ZNF251: variants seen among roughly 807,000 people sequenced by gnomAD.
ZNF251 encodes the protein zinc finger protein 251.
A neutral mutation model predicts 13.5 loss-of-function variants in ZNF251; 14 were observed. That is an observed-to-expected ratio of 1.04 (90% CI 0.69 to 1.63). ZNF251 has a LOEUF of 1.63. ZNF251 is among the 40% of genes most tolerant of loss of function. The pLI, the probability that ZNF251 is intolerant of heterozygous loss-of-function variation, is 0.00. For missense variants in ZNF251, 764 were observed against 834.9 expected, an observed-to-expected ratio of 0.92 and a Z score of 1.05; for synonymous variants, 287 against 295.2, an observed-to-expected ratio of 0.97 and a Z score of 0.28.
chr8:144,728,102 G>A (rs1284917058), intron 4 of ZNF251, among the ~76,000 whole-genome samples: 2 of 152,118 alleles, frequency 1.3e-5, no homozygotes, highest in African/African-American at 2.4e-5. Context: ...TAAAGCGAGA[G>A]GTGTGTGACT....
chr8:144,729,973 G>A (rs1276054373), intron 4 of ZNF251: 3 of 872,870 alleles, frequency 3.4e-6, no homozygotes, highest in Non-Finnish European at 4.1e-6. Context: ...AACATTGCAG[G>A]CAGGGCTGAG....
intron 4 of ZNF251, among the ~76,000 whole-genome samples, chr8:144,737,171 C>T (rs1823934889): frequency 2.6e-5 from 4 of 152,098 alleles, no homozygotes; most frequent in African/African-American, 9.7e-5. Context: ...GATCTCAGCT[C>T]ATGGCAGTCT....
chr8:144,741,587 A>G (rs1290426634), intron 4 of ZNF251, among the ~76,000 whole-genome samples: 1 of 152,230 alleles, frequency 6.6e-6, no homozygotes, highest in Non-Finnish European at 1.5e-5. Flanking sequence ...AACAGGAATT[A>G]TAATTATCCT....
chr8:144,754,958 T>C lies in ZNF251; in HGVS notation c.-75-155A>G, dbSNP rs552370892. On this transcript the variant is annotated intron_variant, in intron 1 of 4. Transcript: ENST00000292562. ...ACGTGCCCTACTGCTCAGTGACTCCTGAAATCCCAGAACGGCCAGAGCCAG... is the reference window on the plus strand; with the variant it reads ...ACGTGCCCTACTGCTCAGTGACTCCCGAAATCCCAGAACGGCCAGAGCCAG... 2.1e-6 allele frequency: 3 copies of C among 1,403,818 alleles called. No homozygotes were observed. The South Asian group carries it at 4.9e-5, about 23-fold the overall frequency. 87.0% of individuals were successfully genotyped at this position (1,403,818 alleles called of 1,614,324 possible).
intron 4 of ZNF251, among the ~76,000 whole-genome samples, chr8:144,729,423 G>A (rs1193429484): frequency 1.1e-4 from 17 of 149,754 alleles, no homozygotes; most frequent in Non-Finnish European, 2.2e-4. Context: ...TGCAAGCTCC[G>A]CCTCCCGGGT....
rs764176989 is a variant in ZNF251 at position 144,722,156 on chromosome 8, A to C, written c.1504T>G (p.Ser502Ala). ...ACTTTCTGATGCTGAATGAGGGTTG[A>C]CCTCCGGCTGAAGGCCTTCCCACAG... ...GDCGKAFSRR[S>A]TLIQHQKVHS... is the part of the protein sequence containing the mutation. Residue 502 changes from serine to alanine, a missense_variant, in exon 5 of 5, where the codon TCA (serine) becomes GCA (alanine). Physicochemically the swap from Ser to Ala is moderately conservative, Grantham distance 99. Coordinates refer to ENST00000292562, the MANE Select transcript of ZNF251 (RefSeq NM_138367.2). The surrounding 1 kb of genome is among the most constrained non-coding windows in gnomAD (Gnocchi z 4.8). 14 of 1,613,706 alleles carry C rather than the reference A, an allele frequency of 8.7e-6. 1 individual carries two copies. The Middle Eastern group carries it at 9.9e-4, about 114-fold the overall frequency.
Position 144,753,792 on chromosome 8 carries a change from G to C in ZNF251, c.168C>G (p.Phe56Leu). The stretch of plus-strand genomic sequence containing the variant: ...AGATCAACTCCGGCTTAGGGACAGG[G>C]AATCCTGTTGAGGATGAGGACACTG... ...ENYGNVASLG[F>L]PVPKPELISQ... Residue 56 changes from phenylalanine to leucine, a missense_variant, in exon 4 of 5, where the codon TTC (phenylalanine) becomes TTG (leucine). Phe to Leu is a conservative substitution (Grantham distance 22). Coordinates refer to ENST00000292562, the MANE Select transcript of ZNF251 (RefSeq NM_138367.2). The C allele has an allele frequency of 1.9e-6, 3 of 1,569,740 alleles. No homozygotes were observed. Among genetic ancestry groups the C allele is most frequent in the South Asian group, 2.3e-5 (2 of 85,486 alleles).
At position 144,735,554 on chromosome 8, in the gene ZNF251, A is replaced by G. The variant is rs543210924; in HGVS notation, c.278-12172T>C. ...CCACATCCCCCACATCTGTCCCTCA[A>G]TGTGGCCAATCCCATGCCCACAAAT... On this transcript the variant is annotated intron_variant, in intron 4 of 4. Transcript: ENST00000292562. Among the ~76,000 whole-genome samples the G allele has an allele frequency of 7.2e-5, 11 of 152,150 alleles. 1 individual carries two copies. In the South Asian group the frequency reaches 2.1e-3, roughly 29 times the overall value.
chr8:144,722,785 G>T lies in ZNF251; in HGVS notation c.875C>A (p.Pro292His), dbSNP rs1304684183. ...CTTCCCACACTCACCACAGCCAAAG[G>T]GTTTTTCTCCAGTGTGAATTCTCCG... ...LHRRIHTGEK[P>H]FGCGECGKAF... Residue 292 changes from proline (P) to histidine (H), a missense_variant, in exon 5 of 5, where the codon CCC becomes CAC. Transcript: ENST00000292562. This position sits in a 1 kb window ranked among gnomAD's most constrained non-coding sequence, Gnocchi z 4.8. The T allele has an allele frequency of 1.2e-6, 2 of 1,614,120 alleles. No homozygotes were observed. The highest frequency in any genetic ancestry group is 1.7e-6 in the Non-Finnish European group (2 of 1,179,944).
Position 144,722,241 on chromosome 8 carries a change from G to A in ZNF251, c.1419C>T (p.Ser473=). The change falls in exon 5 of 5, where the codon AGC becomes AGT. Residue 473 remains serine (S), a synonymous_variant. Coordinates refer to ENST00000292562, the MANE Select transcript of ZNF251 (RefSeq NM_138367.2). This position sits in a 1 kb window ranked among gnomAD's most constrained non-coding sequence, Gnocchi z 4.8. ...CVECGKAFSQ[S]SQLTLHQRVH... ...CTCGCTGATGTAGGGTGAGCTGGGA[G>A]CTCTGGCTGAAAGCTTTCCCACATT... The A allele has an allele frequency of 1.9e-6, 3 of 1,613,744 alleles. No homozygotes were observed. Among genetic ancestry groups the A allele is most frequent in the East Asian group, 4.5e-5 (2 of 44,850 alleles).
rs578204044 is a variant in ZNF251 at position 144,726,608 on chromosome 8, C to T, written c.278-3226G>A. On this transcript the variant is annotated intron_variant, in intron 4 of 4. Transcript: ENST00000292562. ...GGCATAGGTTGGGCGCGGTGGCTCA[C>T]GCCTGTAATCCCAGCACCTTGGGAG... 1.8e-4 allele frequency among the ~76,000 whole-genome samples: 28 copies of T among 152,124 alleles called. No homozygotes were observed. In the South Asian group the frequency reaches 4.6e-3, roughly 25 times the overall value.
Position 144,754,329 on chromosome 8 carries a change from A to C in ZNF251, c.34-8T>G. ...GAAGGTCAGCGGCATCTCCTGCAAC[A>C]AAACATCGCCGCTGCCCAGGCCATG... On this transcript the variant is annotated splice_polypyrimidine_tract_variant and splice_region_variant and intron_variant, in intron 2 of 4. Coordinates refer to ENST00000292562, the MANE Select transcript of ZNF251 (RefSeq NM_138367.2). 4.4e-6 allele frequency: 7 copies of C among 1,599,520 alleles called. No individual in the cohort carries two copies. Among genetic ancestry groups the C allele is most frequent in the Non-Finnish European group, 6.0e-6 (7 of 1,173,082 alleles).
At chr8:144,744,666 C>T (rs1400557187) in intron 4 of ZNF251, among the ~76,000 whole-genome samples, 1 of 152,158 alleles carries the variant, frequency 6.6e-6, no homozygotes, top group East Asian at 1.9e-4. Context: ...TGTGAGGACA[C>T]AGTGAGAAGG....
intron 4 of ZNF251, among the ~76,000 whole-genome samples, chr8:144,732,133 G>A (rs180972292): frequency 1.6e-3 from 249 of 151,670 alleles, no homozygotes; most frequent in African/African-American, 5.6e-3. Context: ...TTGTAAAGAC[G>A]GAGTTTACCA....
chr8:144,754,433 T>C, intron 2 of ZNF251, 112 bp from the exon 3 acceptor site: 2 of 1,452,790 alleles, frequency 1.4e-6, no homozygotes, highest in Non-Finnish European at 1.8e-6. Flanking sequence ...GTGGTCAGTA[T>C]GAACTGTGTA....
rs543866718 is a variant in ZNF251 at position 144,721,699 on chromosome 8, C to G, written c.1961G>C (p.Gly654Ala). 7.3e-7 allele frequency: 1 copy of G among 1,370,484 alleles called. No homozygotes were observed. Among genetic ancestry groups the G allele is most frequent in the Non-Finnish European group, 9.5e-7 (1 of 1,053,506 alleles). The allele number at this position is 1,370,484 out of a possible 1,614,324, so 84.9% of individuals were successfully genotyped here. A position where few individuals can be genotyped will look rare whatever the true frequency, so the allele number is the denominator to read the frequency against. Residue 654 changes from glycine (G) to alanine (A), a missense_variant, in exon 5 of 5, where the codon GGC becomes GCC. Physicochemically the swap from Gly to Ala is moderately conservative, Grantham distance 60 (BLOSUM62 0). Transcript: ENST00000292562. ...GATATGAATAAAGTATCTTTTAGAG[C>G]CATCATTTAAAGCAGGTTTCTCTCC... ...RVGEKPALND[G>A]SKRYFIHIKK...
At chr8:144,744,209 A>T (rs1243760452) in intron 4 of ZNF251, among the ~76,000 whole-genome samples, 5 of 151,606 alleles carry the variant, frequency 3.3e-5, no homozygotes, top group Admixed American at 3.3e-4. Flanking sequence ...ATGGGGTTTC[A>T]CCATGTTGGC....
rs565256745 is a variant in ZNF251 at position 144,720,963 on chromosome 8, C to T, written c.*681G>A. 11 of 152,228 alleles carry T rather than the reference C, an allele frequency of 7.2e-5. No homozygotes were observed. The highest frequency in any genetic ancestry group is 1.3e-4 in the Non-Finnish European group (9 of 68,032). The allele number at this position is 152,228 out of a possible 1,614,324, so 9.4% of individuals were successfully genotyped here. Reference sequence around the variant, plus strand: ...ATAAATTATGCTTCAATAAACCTGCCTTTAAAAAATTTTTTATCAGTAATT... The same window carrying T: ...ATAAATTATGCTTCAATAAACCTGCTTTTAAAAAATTTTTTATCAGTAATT... On this transcript the variant is annotated 3_prime_UTR_variant, in exon 5 of 5. Transcript: ENST00000292562.
At chr8:144,725,419 T>C (rs1192537943) in intron 4 of ZNF251, among the ~76,000 whole-genome samples, 3 of 151,972 alleles carry the variant, frequency 2.0e-5, no homozygotes, top group Non-Finnish European at 2.9e-5. Flanking sequence ...GGCTCCCGAG[T>C]AGCTGGGACT....
Sources: allele counts gnomAD v4.1 joint callset (sites outside exome capture counted in the v4.1 genomes callset), GRCh38; gene constraint gnomAD v4.1.1; non-coding constraint Gnocchi (gnomAD v3.1); transcripts MANE v1.5; gene names NCBI Gene and HGNC (gene_info 2026-07-23, HGNC 2026-07-21).